The following PDXDC1 variants were observed in gnomAD, a reference collection of about 807,000 sequenced individuals.
PDXDC1 encodes the protein pyridoxal-dependent decarboxylase domain-containing protein 1.
Under a neutral mutation model 100.1 loss-of-function variants are expected in PDXDC1, and 42 were observed. The observed-to-expected ratio is 0.42, with a 90% CI of 0.33 to 0.54. The LOEUF (loss-of-function observed/expected upper bound fraction) is 0.54. Ranked by LOEUF, PDXDC1 falls within the 20% of genes least tolerant of loss-of-function variation. The probability of loss-of-function intolerance (pLI) is 0.10; values close to 1 mark genes in which losing one functional copy is unlikely to be tolerated. For missense variants in PDXDC1, 636 were observed against 979.2 expected, an observed-to-expected ratio of 0.65 and a Z score of 4.68; for synonymous variants, 260 against 371.7, an observed-to-expected ratio of 0.70 and a Z score of 3.46.
rs370651803 is a variant in PDXDC1 at position 15,030,960 on chromosome 16, T to G, written c.1400-775T>G. Among the ~76,000 whole-genome samples the G allele has an allele frequency of 2.4e-4, 35 of 147,894 alleles. No individual in the cohort carries two copies. The South Asian group carries it at 7.5e-3, about 32-fold the overall frequency. On this transcript the variant is annotated intron_variant, in intron 16 of 22. Transcript: ENST00000396410. Reference sequence around the variant, plus strand: ...CTGGGGATCTGTGTTTTGGTTTTTATTTTTTTTTTAGAAACAGGGTCTCAT... The same window carrying G: ...CTGGGGATCTGTGTTTTGGTTTTTAGTTTTTTTTTAGAAACAGGGTCTCAT...
intron 16 of PDXDC1, among the ~76,000 whole-genome samples, chr16:15,096,615 C>G (rs942554984): frequency 5.3e-5 from 8 of 152,270 alleles, no homozygotes; most frequent in Non-Finnish European, 1.2e-4. Context: ...CTCTTCTTCA[C>G]TTCCAAGGGA....
At chr16:14,995,345 G>A (rs1971727668) in intron 1 of PDXDC1, among the ~76,000 whole-genome samples, 1 of 152,274 alleles carries the variant, frequency 6.6e-6, no homozygotes, top group Non-Finnish European at 1.5e-5. Context: ...AGAGTTTTTA[G>A]CATGAAGGGT....
At chr16:15,055,297 C>G (rs1290423315) in intron 16 of PDXDC1, among the ~76,000 whole-genome samples, 2 of 152,242 alleles carry the variant, frequency 1.3e-5, no homozygotes, top group Non-Finnish European at 2.9e-5. Flanking sequence ...AAAACCCGTG[C>G]ATCAGGGCGT....
chr16:15,110,160 AAGAGAG>A lies in PDXDC1; in HGVS notation c.1400-28711_1400-28706del, dbSNP rs914473387. Among the ~76,000 whole-genome samples the A allele has an allele frequency of 1.1e-4, 16 of 150,066 alleles. 1 individual carries two copies. The highest frequency in any genetic ancestry group is 3.4e-3 in the Middle Eastern group (1 of 294). On this transcript the variant is annotated intron_variant, in intron 16 of 16. Coordinates refer to the PDXDC1 transcript ENST00000535621. The stretch of plus-strand genomic sequence containing the variant: ...AGCCCCATCTCAGGAAAAAAAAAAA[AAGAGAG>A]AGAGAGACAAAGGAAAACCAATGCC...
chr16:15,123,372 G>A (rs1418627221), intron 16 of PDXDC1: 6 of 1,143,914 alleles, frequency 5.2e-6, no homozygotes, highest in Non-Finnish European at 7.6e-6. Flanking sequence ...GGTTCCTCAA[G>A]GTCACTTTTG....
chr16:15,137,742 A>C (rs1323953540), intron 16 of PDXDC1: 2 of 1,400,770 alleles, frequency 1.4e-6, no homozygotes, highest in African/African-American at 2.8e-5. Flanking sequence ...GGCCCCACCC[A>C]CCGGCACTCA....
chr16:15,083,346 C>T (rs1259830941), intron 16 of PDXDC1, among the ~76,000 whole-genome samples: 16 of 151,942 alleles, frequency 1.1e-4, no homozygotes, highest in Non-Finnish European at 2.2e-4. Context: ...TTGCAGTGAG[C>T]CAAGATGACG....
At position 15,004,194 on chromosome 16, in the gene PDXDC1, A is replaced by G. The variant is rs768074533; in HGVS notation, c.250A>G (p.Asn84Asp). 3.1e-5 allele frequency: 50 copies of G among 1,613,516 alleles called. No individual in the cohort carries two copies. The highest frequency in any genetic ancestry group is 4.0e-5 in the Non-Finnish European group (47 of 1,179,718). Residue 84 changes from asparagine to aspartate, a missense_variant, in exon 5 of 23, where the codon AAT becomes GAT. Around this residue, in one of 4 missense-constraint regions of PDXDC1, gnomAD observed 125 missense variants for 479.9 expected, o/e 0.26. Transcript: ENST00000396410. Reference sequence around the variant, plus strand: ...TTTAATTTTGCTTAACAGAATCCAAAATATTGGAGAACAAGGTCATATGGC... The same window carrying G: ...TTTAATTTTGCTTAACAGAATCCAAGATATTGGAGAACAAGGTCATATGGC... Reference protein sequence around the residue: ...DEEPQSPRIQNIGEQGHMALL... With the variant: ...DEEPQSPRIQDIGEQGHMALL...
At chr16:15,089,980 G>C (rs557121034) in intron 16 of PDXDC1, among the ~76,000 whole-genome samples, 1 of 151,638 alleles carries the variant, frequency 6.6e-6, no homozygotes, top group African/African-American at 2.4e-5. Flanking sequence ...AGGCCAAGGC[G>C]GGCAGGTCAC....
intron 16 of PDXDC1, chr16:15,094,138 A>G (rs1157929495): frequency 6.3e-7 from 1 of 1,592,568 alleles, no homozygotes. Flanking sequence ...AGCGGCCTGA[A>G]TCTTACCCAG....
chr16:15,149,042 G>A, the PDXDC1 span, among the ~76,000 whole-genome samples: 5 of 152,310 alleles, frequency 3.3e-5, no homozygotes, highest in East Asian at 1.9e-4. Flanking sequence ...CAGGGACCCC[G>A]GGTGAGGCCA....
chr16:15,062,982 T>C (rs1328331323), intron 16 of PDXDC1, among the ~76,000 whole-genome samples: 1 of 152,196 alleles, frequency 6.6e-6, no homozygotes, highest in Non-Finnish European at 1.5e-5. Flanking sequence ...GAGCTGGGAT[T>C]ACAGGTGTGC....
intron 16 of PDXDC1, among the ~76,000 whole-genome samples, chr16:15,122,280 G>T (rs1263363657): frequency 6.7e-6 from 1 of 149,356 alleles, no homozygotes; most frequent in Non-Finnish European, 1.5e-5. Flanking sequence ...GGGCCATCTC[G>T]GCTCACTGCA....
chr16:15,088,101 A>G (rs552668397), intron 16 of PDXDC1, among the ~76,000 whole-genome samples: 76 of 151,824 alleles, frequency 5.0e-4, no homozygotes, highest in Non-Finnish European at 8.2e-4. Context: ...GGGCAACAAG[A>G]GCAAAACTCC....
chr16:14,987,992 CTTTT>C (rs58211541), intron 1 of PDXDC1, among the ~76,000 whole-genome samples: 80 of 134,542 alleles, frequency 5.9e-4, no homozygotes, highest in Admixed American at 8.3e-4. Context: ...TTATACAATT[CTTTT>C]TTTTTTTTTT....
intron 1 of PDXDC1, chr16:14,990,077 G>T: frequency 6.7e-7 from 1 of 1,494,522 alleles, no homozygotes; most frequent in South Asian, 1.2e-5. Flanking sequence ...GCAGCAGTAG[G>T]AGGCCAAGCA....
At chr16:15,022,445 A>G (rs1230007156) in intron 12 of PDXDC1, among the ~76,000 whole-genome samples, 1 of 152,304 alleles carries the variant, frequency 6.6e-6, no homozygotes, top group African/African-American at 2.4e-5. Flanking sequence ...TTTGAATGAC[A>G]GACTTACATT....
At chr16:15,085,122 A>C (rs1357780784) in intron 16 of PDXDC1, among the ~76,000 whole-genome samples, 1 of 152,152 alleles carries the variant, frequency 6.6e-6, no homozygotes, top group Non-Finnish European at 1.5e-5. Flanking sequence ...TGCTAACCAA[A>C]ACGGAATAAT....
At chr16:15,139,716 G>A (rs989842368), downstream of PDXDC1, among the ~76,000 whole-genome samples, 2 of 152,144 alleles carry the variant, frequency 1.3e-5, no homozygotes, top group Non-Finnish European at 2.9e-5. Flanking sequence ...GGGAGGTCGA[G>A]GCTGCAGTGA....
Sources: allele counts gnomAD v4.1 joint callset (sites outside exome capture counted in the v4.1 genomes callset), GRCh38; gene constraint gnomAD v4.1.1; regional missense constraint gnomAD v4.1.1; transcripts MANE v1.5; gene names NCBI Gene and HGNC (gene_info 2026-07-23, HGNC 2026-07-21).